CNKSR2: variants seen among roughly 807,000 people sequenced by gnomAD.
The protein encoded by CNKSR2 is connector enhancer of kinase suppressor of Ras 2, also known as CNK homolog protein 2.
CNKSR2 carries 14 observed loss-of-function variants against 84.4 expected under a neutral mutation model. The ratio of observed to expected loss-of-function variants is 0.17; its 90% CI spans 0.11 to 0.26. The LOEUF (loss-of-function observed/expected upper bound fraction) is 0.26, where lower values mean the gene tolerates loss of function less well. Among genes scored for constraint, CNKSR2 ranks in the 10% least tolerant of loss-of-function variants. The probability of loss-of-function intolerance (pLI) is 1.00; values close to 1 mark genes in which losing one functional copy is unlikely to be tolerated. For synonymous variants in CNKSR2, 275 were observed against 277.9 expected (o/e 0.99, Z 0.10); for missense variants, 485 against 771.2 (o/e 0.63, Z 4.40).
intron 10 of CNKSR2, among the ~76,000 whole-genome samples, chrX:21,529,118 G>A (rs1451492481): frequency 9.0e-6 from 1 of 110,725 alleles, no homozygotes; most frequent in Non-Finnish European, 1.9e-5. Context: ...GATTTGGATG[G>A]CAAATAATAA....
chrX:21,615,607 T>A (rs2092573320), intron 20 of CNKSR2, among the ~76,000 whole-genome samples: 1 of 112,034 alleles, frequency 8.9e-6, no homozygotes. Context: ...TGACACATTA[T>A]AAGTCTGTCC....
chrX:21,538,846 G>A (rs1463769545), intron 11 of CNKSR2: 1 of 112,530 alleles, frequency 8.9e-6, no homozygotes, highest in African/African-American at 3.2e-5. Context: ...ATGGGAGAAA[G>A]ATGAAAGCCG....
At chrX:21,646,982 C>T (rs1407785384) in intron 20 of CNKSR2, among the ~76,000 whole-genome samples, 1 of 111,831 alleles carries the variant, frequency 8.9e-6, no homozygotes, top group African/African-American at 3.2e-5. Flanking sequence ...CCAAATCATT[C>T]TCAGTTAAGA....
intron 8 of CNKSR2, among the ~76,000 whole-genome samples, chrX:21,516,057 G>A (rs2091725211): frequency 9.0e-6 from 1 of 111,719 alleles, no homozygotes; most frequent in Admixed American, 9.5e-5. Flanking sequence ...ATCTCTAAAA[G>A]ATGGTGATGA....
At chrX:21,628,707 G>T (rs953898025) in intron 20 of CNKSR2, among the ~76,000 whole-genome samples, 2 of 111,069 alleles carry the variant, frequency 1.8e-5, no homozygotes, top group Admixed American at 9.6e-5. Flanking sequence ...CCTGTAGACT[G>T]CACAACAGCA....
At chrX:21,402,544 A>G (rs1430416080) in intron 1 of CNKSR2, among the ~76,000 whole-genome samples, 1 of 111,334 alleles carries the variant, frequency 9.0e-6, no homozygotes, top group Non-Finnish European at 1.9e-5. Context: ...CATTTTTAGT[A>G]TCTTAGAACG....
At chrX:21,646,995 C>A (rs2092708343) in intron 20 of CNKSR2, among the ~76,000 whole-genome samples, 1 of 111,789 alleles carries the variant, frequency 8.9e-6, no homozygotes, top group Non-Finnish European at 1.9e-5. Flanking sequence ...AGTTAAGATT[C>A]CCTATCTTGC....
intron 17 of CNKSR2, among the ~76,000 whole-genome samples, chrX:21,595,650 G>A (rs1161374230): frequency 9.0e-6 from 1 of 111,470 alleles, no homozygotes; most frequent in African/African-American, 3.3e-5. Flanking sequence ...CCAAAAAAAG[G>A]GGATTTTTTA....
intron 13 of CNKSR2, among the ~76,000 whole-genome samples, chrX:21,565,749 A>G (rs2092232236): frequency 9.0e-6 from 1 of 111,465 alleles, no homozygotes; most frequent in Non-Finnish European, 1.9e-5. Flanking sequence ...TTGGATATCT[A>G]TAACCAATGT....
At chrX:21,577,816 A>AT (rs1271211608) in intron 13 of CNKSR2, among the ~76,000 whole-genome samples, 2 of 110,521 alleles carry the variant, frequency 1.8e-5, no homozygotes, top group Non-Finnish European at 1.9e-5. Flanking sequence ...ATATATTAAT[A>AT]TTACTCCCTT....
Position 21,605,316 on chromosome X carries a change from G to GA in CNKSR2, c.2045-1455dup, listed in dbSNP as rs777692656. ...TGGCTGTCACTGGCATGAACCAATGGAAAAAAAACAGATATCAAATTAAGA... is the reference window on the plus strand; with the variant it reads ...TGGCTGTCACTGGCATGAACCAATGGAAAAAAAAACAGATATCAAATTAAGA... On this transcript the variant is annotated intron_variant, in intron 18 of 21. Coordinates refer to ENST00000379510, the MANE Select transcript of CNKSR2 (RefSeq NM_014927.5). Among the ~76,000 whole-genome samples, 38 of 110,898 alleles carry GA rather than the reference G, an allele frequency of 3.4e-4. 1 individual carries two copies. Among genetic ancestry groups the GA allele is most frequent in the African/African-American group, 8.8e-4 (27 of 30,619 alleles).
In CNKSR2 at chrX:21,566,805, C is replaced by T. The variant is rs1227331500; in HGVS notation, c.1608+3353C>T. Among the ~76,000 whole-genome samples, 22 of 111,316 alleles carry T rather than the reference C, an allele frequency of 2.0e-4. No homozygotes were observed. The Admixed American group carries it at 2.0e-3, about 10-fold the overall frequency. ...GTCTTCACTGTTCTGTTGTGGAAAA[C>T]GTCCCAATAAAAATACACAAAGCAA... is the stretch of plus-strand genomic sequence containing the variant. On this transcript the variant is annotated intron_variant, in intron 13 of 21. Coordinates refer to ENST00000379510, the MANE Select transcript of CNKSR2 (RefSeq NM_014927.5).
chrX:21,446,702 C>T (rs1015203738), intron 4 of CNKSR2, among the ~76,000 whole-genome samples: 6 of 110,941 alleles, frequency 5.4e-5, no homozygotes, highest in Non-Finnish European at 1.1e-4. Context: ...CCTGCCAAAG[C>T]GCTTTTAAAG....
chrX:21,474,860 G>A (rs1031367376), intron 5 of CNKSR2, among the ~76,000 whole-genome samples: 3 of 112,081 alleles, frequency 2.7e-5, no homozygotes, highest in African/African-American at 9.7e-5. Flanking sequence ...AAAAAGCAGT[G>A]TATTTATAGT....
At chrX:21,402,379 C>A (rs1016099062) in intron 1 of CNKSR2, among the ~76,000 whole-genome samples, 1 of 110,996 alleles carries the variant, frequency 9.0e-6, no homozygotes, top group African/African-American at 3.3e-5. Flanking sequence ...AATGTTTATG[C>A]TGAAGACTAT....
At chrX:21,411,457 A>G (rs1365883880) in intron 1 of CNKSR2, among the ~76,000 whole-genome samples, 6 of 111,606 alleles carry the variant, frequency 5.4e-5, no homozygotes, top group Non-Finnish European at 9.4e-5. Flanking sequence ...TTCTGCGGCA[A>G]AAGGCAAACT....
intron 9 of CNKSR2, among the ~76,000 whole-genome samples, chrX:21,518,339 C>G (rs7879059): frequency 0.059 from 6,525 of 111,310 alleles, 477 homozygotes; most frequent in African/African-American, 0.19. Context: ...AGGTTTTCTT[C>G]TCTGTATATG....
At chrX:21,457,610 C>T (rs1028495328) in intron 4 of CNKSR2, among the ~76,000 whole-genome samples, 3 of 111,469 alleles carry the variant, frequency 2.7e-5, no homozygotes, top group Admixed American at 1.9e-4. Context: ...AAGCACATAA[C>T]GCATTTCAAA....
chrX:21,490,743 TAAG>T (rs1200020575), intron 6 of CNKSR2, 165 bp downstream of exon 6: 1 of 366,846 alleles, frequency 2.7e-6, no homozygotes, highest in Non-Finnish European at 4.3e-6. Context: ...TGATGCATGA[TAAG>T]AAGTTTTATG....
Sources: allele counts gnomAD v4.1 joint callset (sites outside exome capture counted in the v4.1 genomes callset), GRCh38; gene constraint gnomAD v4.1.1; transcripts MANE v1.5; gene names NCBI Gene and HGNC (gene_info 2026-07-23, HGNC 2026-07-21).